LUZP2: variants seen among roughly 807,000 people sequenced by gnomAD.
LUZP2 encodes leucine zipper protein 2.
Under a neutral mutation model 51.6 loss-of-function variants are expected in LUZP2, and 52 were observed. The observed-to-expected ratio is 1.01, with a 90% CI of 0.81 to 1.27. LUZP2 has a LOEUF of 1.27. Among genes scored for constraint, LUZP2 ranks in the 50% most tolerant of loss-of-function variants. The probability of loss-of-function intolerance (pLI) is 0.00; values close to 1 mark genes in which losing one functional copy is unlikely to be tolerated. For missense variants in LUZP2, 436 were observed against 395.4 expected (o/e 1.10, Z -0.87); for synonymous variants, 154 against 137.3 (o/e 1.12, Z -0.85).
Position 24,923,651 on chromosome 11 carries a change from C to T in LUZP2, c.522+9113C>T, listed in dbSNP as rs918048859. On this transcript the variant is annotated intron_variant, in intron 7 of 11. Coordinates refer to ENST00000336930, the MANE Select transcript of LUZP2 (RefSeq NM_001009909.4). Reference sequence around the variant, plus strand: ...GGCAGAGGTTGCAGTGAGCCAAGATCGCGCCACTGCACTCCAGCCTGGCAC... The same window carrying T: ...GGCAGAGGTTGCAGTGAGCCAAGATTGCGCCACTGCACTCCAGCCTGGCAC... Among the ~76,000 whole-genome samples, 99 of 151,978 alleles carry T rather than the reference C, an allele frequency of 6.5e-4. 1 individual carries two copies. The highest frequency in any genetic ancestry group is 2.3e-3 in the African/African-American group (95 of 41,398).
intron 5 of LUZP2, among the ~76,000 whole-genome samples, chr11:24,804,782 G>T (rs1220785434): frequency 6.6e-6 from 1 of 152,100 alleles, no homozygotes; most frequent in Non-Finnish European, 1.5e-5. Context: ...CTCTTCAGAT[G>T]CCAAGGTGAC....
At chr11:24,966,259 T>C (rs1855579477) in intron 7 of LUZP2, among the ~76,000 whole-genome samples, 1 of 151,802 alleles carries the variant, frequency 6.6e-6, no homozygotes, top group South Asian at 2.1e-4. Context: ...TTAACTTTTC[T>C]TAATGGTTGT....
chr11:24,740,906 G>A (rs936859283), intron 4 of LUZP2, among the ~76,000 whole-genome samples: 1 of 152,052 alleles, frequency 6.6e-6, no homozygotes, highest in Non-Finnish European at 1.5e-5. Flanking sequence ...CTGTTGAGCA[G>A]AAGATGTAAT....
chr11:24,583,879 AT>A (rs35895335), intron 1 of LUZP2, among the ~76,000 whole-genome samples: 108,630 of 141,326 alleles, frequency 0.77, 42,004 homozygotes, highest in South Asian at 0.87. Context: ...AATTTTTTGT[AT>A]TTTTTTTTTT....
intron 10 of LUZP2, among the ~76,000 whole-genome samples, chr11:25,068,228 T>C (rs2134051136): frequency 6.6e-6 from 1 of 152,082 alleles, no homozygotes. Flanking sequence ...GACGACTTTA[T>C]GGGTGCAGCA....
chr11:24,779,110 A>T (rs921429487), intron 5 of LUZP2, among the ~76,000 whole-genome samples: 3 of 152,196 alleles, frequency 2.0e-5, no homozygotes, highest in African/African-American at 7.2e-5. Context: ...ATTAACCAAG[A>T]TTATTTAAGA....
intron 5 of LUZP2, among the ~76,000 whole-genome samples, chr11:24,826,252 T>G (rs1361729799): frequency 1.3e-5 from 2 of 148,738 alleles, no homozygotes; most frequent in African/African-American, 4.9e-5. Context: ...GTTTGGATCT[T>G]TCATTACATC....
At chr11:24,561,547 A>G (rs191859811) in intron 1 of LUZP2, among the ~76,000 whole-genome samples, 2 of 152,274 alleles carry the variant, frequency 1.3e-5, no homozygotes, top group Admixed American at 6.5e-5. Context: ...CATCATTCTC[A>G]GCAAACTAAC....
intron 5 of LUZP2, among the ~76,000 whole-genome samples, chr11:24,903,356 TCTAA>T (rs1424917073): frequency 6.6e-6 from 1 of 152,190 alleles, no homozygotes; most frequent in Non-Finnish European, 1.5e-5. Context: ...GTATTGAAAT[TCTAA>T]CTGAGCTTTT....
chr11:25,021,520 A>G (rs1857332513), intron 9 of LUZP2, among the ~76,000 whole-genome samples: 1 of 151,822 alleles, frequency 6.6e-6, no homozygotes, highest in Admixed American at 6.6e-5. Flanking sequence ...ACATAGACAA[A>G]GACATAGGGA....
At chr11:24,688,353 G>A (rs542171450) in intron 1 of LUZP2, among the ~76,000 whole-genome samples, 2 of 152,130 alleles carry the variant, frequency 1.3e-5, no homozygotes, top group Non-Finnish European at 2.9e-5. Flanking sequence ...GAATTGTATG[G>A]TCAGGATTTA....
At chr11:25,011,726 A>G (rs1856989774) in intron 9 of LUZP2, among the ~76,000 whole-genome samples, 1 of 152,074 alleles carries the variant, frequency 6.6e-6, no homozygotes, top group African/African-American at 2.4e-5. Context: ...AATATTTTAC[A>G]TATTTATGAG....
chr11:24,658,246 A>G (rs1349323014), intron 1 of LUZP2, among the ~76,000 whole-genome samples: 1 of 152,186 alleles, frequency 6.6e-6, no homozygotes, highest in Non-Finnish European at 1.5e-5. Context: ...AATGGAACAG[A>G]ACACAGCCCT....
At chr11:24,659,280 A>T (rs1855929329) in intron 1 of LUZP2, among the ~76,000 whole-genome samples, 2 of 152,184 alleles carry the variant, frequency 1.3e-5, no homozygotes, top group South Asian at 4.1e-4. Flanking sequence ...AGGGACATGG[A>T]TGAAGCTGGA....
chr11:25,070,219 C>G (rs190936169), intron 10 of LUZP2, among the ~76,000 whole-genome samples: 10 of 151,954 alleles, frequency 6.6e-5, no homozygotes, highest in Admixed American at 5.3e-4. Flanking sequence ...ATTCACTTAT[C>G]CTTTCACCTA....
At chr11:24,686,665 G>A (rs1856905202) in intron 1 of LUZP2, among the ~76,000 whole-genome samples, 1 of 152,130 alleles carries the variant, frequency 6.6e-6, no homozygotes, top group South Asian at 2.1e-4. Flanking sequence ...ATTCTTAGGA[G>A]TTTGTTTTCT....
rs1174189551 is a variant in LUZP2, at chr11:25,027,886, G to GAAAA, written c.766-22152_766-22151insAAAA. Among the ~76,000 whole-genome samples, 216 of 133,340 alleles carry GAAAA rather than the reference G, an allele frequency of 1.6e-3. 5 individuals are homozygous for GAAAA. The highest frequency in any genetic ancestry group is 4.0e-3 in the South Asian group (17 of 4,210). The allele number at this position is 133,340 out of a possible 152,430, so 87.5% of individuals were successfully genotyped here. ...TTCCGTCTCAAAAAAAAAAAAAAAGGTGTTTAGATTTAGATACCATCAATG... is the reference window on the plus strand; with the variant it reads ...TTCCGTCTCAAAAAAAAAAAAAAAGGAAAATGTTTAGATTTAGATACCATCAATG... On this transcript the variant is annotated intron_variant, in intron 9 of 11. Coordinates refer to ENST00000336930, the MANE Select transcript of LUZP2 (RefSeq NM_001009909.4).
intron 5 of LUZP2, among the ~76,000 whole-genome samples, chr11:24,866,804 A>T (rs1027449092): frequency 6.6e-6 from 1 of 152,170 alleles, no homozygotes; most frequent in South Asian, 2.1e-4. Context: ...TAATTAGTGC[A>T]GAAGTGTAGA....
At chr11:24,637,986 T>C (rs994262151) in intron 1 of LUZP2, among the ~76,000 whole-genome samples, 1 of 151,814 alleles carries the variant, frequency 6.6e-6, no homozygotes, top group African/African-American at 2.4e-5. Context: ...CCTACCAATA[T>C]GTGATGACAC....
Sources: allele counts gnomAD v4.1 joint callset (sites outside exome capture counted in the v4.1 genomes callset), GRCh38; gene constraint gnomAD v4.1.1; transcripts MANE v1.5; gene names NCBI Gene and HGNC (gene_info 2026-07-23, HGNC 2026-07-21).